ARAP2: variants seen among roughly 807,000 people sequenced by gnomAD.
The protein encoded by ARAP2 is ArfGAP with RhoGAP domain, ankyrin repeat and PH domain 2.
A neutral mutation model predicts 194.5 loss-of-function variants in ARAP2; 148 were observed. The observed-to-expected ratio is 0.76, with a 90% CI of 0.67 to 0.87. ARAP2 has a LOEUF of 0.87. Ranked by LOEUF, ARAP2 falls within the 40% of genes least tolerant of loss-of-function variation. ARAP2 has a pLI of 0.00. For missense variants in ARAP2, 2,128 were observed against 1,989.7 expected, an observed-to-expected ratio of 1.07 and a Z score of -1.32; for synonymous variants, 695 against 683.5, an observed-to-expected ratio of 1.02 and a Z score of -0.26.
chr4:36,150,763 G>A, intron 16 of ARAP2, 137 bp downstream of exon 16: 1 of 924,514 alleles, frequency 1.1e-6, no homozygotes, highest in South Asian at 1.7e-5. Flanking sequence ...GAAGGCGCAA[G>A]ATAAGTAAGC....
At chr4:36,016,638 C>T (rs905909522) in intron 6 of ARAP2, among the ~76,000 whole-genome samples, 2 of 152,082 alleles carry the variant, frequency 1.3e-5, no homozygotes, top group South Asian at 4.1e-4. Flanking sequence ...TTAAAGGGTA[C>T]ATCAGGTAAA....
chr4:36,216,134 T>C (rs1337496603), intron 2 of ARAP2, among the ~76,000 whole-genome samples: 1 of 150,896 alleles, frequency 6.6e-6, no homozygotes, highest in Non-Finnish European at 1.5e-5. Flanking sequence ...TGCATGCCTG[T>C]AGTCCCAGAT....
At position 36,133,500 on chromosome 4, in the gene ARAP2, T is replaced by C. The variant is rs556676719; in HGVS notation, c.3264-111A>G. ...ACAATCATGCAAGACAAACTCTTCT[T>C]TTATCTCATCCACCACGAGCTTCCA... On this transcript the variant is annotated intron_variant, in intron 19 of 32. Coordinates refer to ENST00000303965, the MANE Select transcript of ARAP2 (RefSeq NM_015230.4). The C allele has an allele frequency of 1.6e-4, 155 of 972,494 alleles. No homozygotes were observed. In the African/African-American group the frequency reaches 2.3e-3, roughly 14 times the overall value. 60.2% of individuals were successfully genotyped at this position (972,494 alleles called of 1,614,324 possible).
intron 27 of ARAP2, among the ~76,000 whole-genome samples, chr4:36,098,593 T>C (rs1715979172): frequency 6.6e-6 from 1 of 152,122 alleles, no homozygotes; most frequent in African/African-American, 2.4e-5. Context: ...TCTCTGTAAA[T>C]TATTAAACTA....
chr4:36,198,048 A>T (rs1335454181), intron 6 of ARAP2, among the ~76,000 whole-genome samples: 1 of 152,170 alleles, frequency 6.6e-6, no homozygotes, highest in Non-Finnish European at 1.5e-5. Flanking sequence ...CCAGGTCCCA[A>T]GTTCTTGTGC....
chr4:36,073,923 T>G, intron 31 of ARAP2, 100 bp from the exon 32 acceptor site: 1 of 1,384,336 alleles, frequency 7.2e-7, no homozygotes, highest in East Asian at 2.3e-5. Context: ...CCACATCAAA[T>G]GATCTGATTT....
At chr4:36,135,638 T>C (rs1162715405) in intron 19 of ARAP2, among the ~76,000 whole-genome samples, 1 of 151,842 alleles carries the variant, frequency 6.6e-6, no homozygotes, top group Admixed American at 6.6e-5. Context: ...AAAAGTATTC[T>C]ATTGCTGGAT....
At chr4:36,018,610 T>G (rs750397586) in intron 6 of ARAP2, among the ~76,000 whole-genome samples, 2 of 152,220 alleles carry the variant, frequency 1.3e-5, no homozygotes, top group Non-Finnish European at 2.9e-5. Context: ...GTGTGAACAC[T>G]TATATTCATG....
intron 31 of ARAP2, among the ~76,000 whole-genome samples, chr4:36,077,538 T>A (rs1028135894): frequency 2.0e-5 from 3 of 152,102 alleles, no homozygotes; most frequent in Non-Finnish European, 4.4e-5. Context: ...CGTAGTCACT[T>A]CGCAATAATT....
intron 19 of ARAP2, among the ~76,000 whole-genome samples, chr4:36,146,142 T>C (rs886741961): frequency 1.2e-4 from 19 of 152,020 alleles, no homozygotes; most frequent in Non-Finnish European, 2.9e-5. Context: ...GGGATCATCC[T>C]TGACTCTTAC....
At chr4:36,085,793 T>C (rs562682443) in intron 28 of ARAP2, among the ~76,000 whole-genome samples, 1 of 152,238 alleles carries the variant, frequency 6.6e-6, no homozygotes, top group African/African-American at 2.4e-5. Context: ...AGATTTAACA[T>C]CAATTTTACT....
At chr4:36,031,638 A>G (rs911009205) in intron 5 of ARAP2, among the ~76,000 whole-genome samples, 1 of 151,546 alleles carries the variant, frequency 6.6e-6, no homozygotes, top group Non-Finnish European at 1.5e-5. Context: ...ATGTTTCTTT[A>G]GTTTGTCTTC....
At chr4:36,079,938 C>T (rs762726651) in intron 31 of ARAP2, among the ~76,000 whole-genome samples, 4 of 152,076 alleles carry the variant, frequency 2.6e-5, no homozygotes, top group East Asian at 1.9e-4. Context: ...CTTTCTTACA[C>T]GACCATTTTA....
At chr4:36,218,610 A>AT (rs1196867009) in intron 2 of ARAP2, among the ~76,000 whole-genome samples, 2 of 152,174 alleles carry the variant, frequency 1.3e-5, no homozygotes, top group East Asian at 3.9e-4. Flanking sequence ...ACAGATTATA[A>AT]ACCTCAGTGT....
intron 9 of ARAP2, among the ~76,000 whole-genome samples, chr4:36,175,833 T>C (rs1737781344): frequency 6.6e-6 from 1 of 152,148 alleles, no homozygotes; most frequent in Non-Finnish European, 1.5e-5. Flanking sequence ...AGATGCCCTT[T>C]TTTTGCACCT....
intron 5 of ARAP2, among the ~76,000 whole-genome samples, chr4:36,040,290 A>G (rs1399098344): frequency 6.6e-6 from 1 of 152,208 alleles, no homozygotes; most frequent in African/African-American, 2.4e-5. Context: ...AAATTGATCC[A>G]TGTGGACACA....
intron 28 of ARAP2, among the ~76,000 whole-genome samples, chr4:36,088,496 T>C (rs1712550733): frequency 6.6e-6 from 1 of 152,000 alleles, no homozygotes; most frequent in Non-Finnish European, 1.5e-5. Context: ...TAATAAATGA[T>C]AGTAACCACT....
chr4:36,166,967 T>C lies in ARAP2; in HGVS notation c.1938A>G (p.Gln646=), dbSNP rs1560576731. 5 of 1,607,756 alleles carry C rather than the reference T, an allele frequency of 3.1e-6. No homozygotes were observed. Among genetic ancestry groups the C allele is most frequent in the Non-Finnish European group, 4.2e-6 (5 of 1,177,570 alleles). ...TGTAGGGAGTGATTATTTCAAAAGA[T>C]TGTTTCACAGTTCGGTCCACTTGCT... is the stretch of plus-strand genomic sequence containing the variant. ...NVKQVDRTVK[Q]SFEIITPYRS... Residue 646 remains glutamine, a synonymous_variant, in exon 10 of 33, where the codon CAA becomes CAG. Coordinates refer to ENST00000303965, the MANE Select transcript of ARAP2 (RefSeq NM_015230.4).
At chr4:36,243,383 CAAAA>C (rs71201008) in intron 1 of ARAP2, among the ~76,000 whole-genome samples, 124 of 85,094 alleles carry the variant, frequency 1.5e-3, no homozygotes, top group African/African-American at 5.5e-3. Context: ...GACAAGCTTG[CAAAA>C]AAAAAAAAAA....
Sources: gnomAD v4.1 joint callset for allele counts (sites outside exome capture counted in the v4.1 genomes callset) on GRCh38, gnomAD v4.1.1 for gene constraint, MANE v1.5 for transcripts, NCBI Gene and HGNC (gene_info 2026-07-23, HGNC 2026-07-21) for gene names.